The following PLPP3 variants were observed in gnomAD, a reference collection of about 807,000 sequenced individuals.
PLPP3 encodes PAP2 beta.
PLPP3 carries 6 observed loss-of-function variants against 29.6 expected under a neutral mutation model. That is an observed-to-expected ratio of 0.20 (90% CI 0.11 to 0.40). The LOEUF is 0.40. PLPP3 is among the 10% of genes least tolerant of loss of function. The probability of loss-of-function intolerance (pLI) is 1.00; values close to 1 mark genes in which losing one functional copy is unlikely to be tolerated. For synonymous variants in PLPP3, 152 were observed against 159.7 expected (o/e 0.95, Z 0.36); for missense variants, 308 against 407.7 (o/e 0.76, Z 2.11).
intron 5 of PLPP3, among the ~76,000 whole-genome samples, chr1:56,498,612 G>T (rs2100216327): frequency 6.6e-6 from 1 of 151,390 alleles, no homozygotes; most frequent in East Asian, 1.9e-4. Flanking sequence ...AAGAGGTTTT[G>T]ATCAATCCCT....
chr1:56,532,011 T>A (rs1645891888), intron 2 of PLPP3, among the ~76,000 whole-genome samples: 1 of 152,194 alleles, frequency 6.6e-6, no homozygotes, highest in African/African-American at 2.4e-5. Context: ...CACCTCCGTA[T>A]TGATACGTTT....
intron 5 of PLPP3, among the ~76,000 whole-genome samples, chr1:56,509,832 C>A (rs1156660331): frequency 4.1e-3 from 354 of 86,004 alleles, no homozygotes; most frequent in East Asian, 8.6e-3. Flanking sequence ...GCGAGACTCT[C>A]AAAAAAAAAA....
At chr1:56,557,675 T>C (rs191208761) in intron 1 of PLPP3, among the ~76,000 whole-genome samples, 82 of 152,272 alleles carry the variant, frequency 5.4e-4, no homozygotes, top group African/African-American at 1.9e-3. Flanking sequence ...CATGGATCAT[T>C]TCCCTTTTCT....
intron 1 of PLPP3, among the ~76,000 whole-genome samples, chr1:56,557,066 GAAAGAAAGAAA>G (rs1646088083): frequency 3.2e-5 from 4 of 125,840 alleles, no homozygotes; most frequent in Non-Finnish European, 6.9e-5. Flanking sequence ...GAGAAAGAAA[GAAAGAAAGAAA>G]AAATGAGAGA....
intron 2 of PLPP3, among the ~76,000 whole-genome samples, chr1:56,534,785 T>C (rs1645913713): frequency 6.6e-6 from 1 of 152,142 alleles, no homozygotes; most frequent in East Asian, 1.9e-4. Flanking sequence ...CCTTGATAGT[T>C]ATGACAGGTA....
intron 5 of PLPP3, among the ~76,000 whole-genome samples, chr1:56,506,392 C>A (rs1645702126): frequency 6.6e-6 from 1 of 152,180 alleles, no homozygotes; most frequent in Admixed American, 6.5e-5. Flanking sequence ...GGTCACCTCA[C>A]TGGGGCAGAG....
chr1:56,575,556 C>T (rs747124742), intron 1 of PLPP3, among the ~76,000 whole-genome samples: 2 of 152,246 alleles, frequency 1.3e-5, no homozygotes, highest in South Asian at 4.1e-4. Context: ...ACTGGGAAAT[C>T]GGGAGAGGCA....
chr1:56,506,486 G>A (rs1346051879), intron 5 of PLPP3, among the ~76,000 whole-genome samples: 2 of 152,146 alleles, frequency 1.3e-5, no homozygotes, highest in South Asian at 2.1e-4. Context: ...CCACACCCCC[G>A]GGAAGAGGAA....
At chr1:56,560,211 A>C (rs1646112377) in intron 1 of PLPP3, among the ~76,000 whole-genome samples, 1 of 152,138 alleles carries the variant, frequency 6.6e-6, no homozygotes, top group Admixed American at 6.5e-5. Flanking sequence ...CCCAGCACAG[A>C]ACCTGGTGCA....
intron 1 of PLPP3, among the ~76,000 whole-genome samples, chr1:56,554,311 G>A (rs139742060): frequency 2.0e-5 from 3 of 152,122 alleles, no homozygotes; most frequent in East Asian, 3.9e-4. Context: ...GGTGGCTGAC[G>A]CCTGTAATCC....
rs977987992 is a variant in PLPP3 at position 56,568,011 on chromosome 1, G to A, written c.139+10867C>T. ...GCAATATGAATGAACCTTAAAAACCGTACGCCAAGTGGAAGAAGCCAGTCA... is the reference window on the plus strand; with the variant it reads ...GCAATATGAATGAACCTTAAAAACCATACGCCAAGTGGAAGAAGCCAGTCA... On this transcript the variant is annotated intron_variant, in intron 1 of 5. Transcript: ENST00000371250. 2.0e-5 allele frequency among the ~76,000 whole-genome samples: 3 copies of A among 152,230 alleles called. 1 individual carries two copies. Among genetic ancestry groups the A allele is most frequent in the East Asian group, 3.9e-4 (2 of 5,182 alleles).
At chr1:56,522,673 G>A (rs957139015) in intron 4 of PLPP3, among the ~76,000 whole-genome samples, 5 of 149,066 alleles carry the variant, frequency 3.4e-5, no homozygotes, top group Non-Finnish European at 7.4e-5. Flanking sequence ...AAAGGATTGG[G>A]GGGAAAAATA....
At chr1:56,573,208 G>C (rs565360630) in intron 1 of PLPP3, among the ~76,000 whole-genome samples, 44 of 152,078 alleles carry the variant, frequency 2.9e-4, no homozygotes, top group Admixed American at 2.0e-4. Context: ...CATAGAGTTC[G>C]GTTTACAACC....
chr1:56,555,850 C>A (rs1034150859), intron 1 of PLPP3, among the ~76,000 whole-genome samples: 3 of 152,110 alleles, frequency 2.0e-5, no homozygotes, highest in Admixed American at 1.3e-4. Flanking sequence ...GTGTGCTTAA[C>A]CTGCTTTTTA....
intron 5 of PLPP3, among the ~76,000 whole-genome samples, chr1:56,503,710 G>A (rs943355842): frequency 6.6e-6 from 1 of 152,176 alleles, no homozygotes; most frequent in African/African-American, 2.4e-5. Context: ...CCACCTACCT[G>A]TGGTTCCTGT....
At chr1:56,502,458 G>C (rs1569861992) in intron 5 of PLPP3, among the ~76,000 whole-genome samples, 3 of 152,264 alleles carry the variant, frequency 2.0e-5, no homozygotes, top group Admixed American at 2.0e-4. Flanking sequence ...GCAGATTCCT[G>C]GGCCCATCTA....
At chr1:56,557,026 A>AAAGAAAG (rs1553139342) in intron 1 of PLPP3, among the ~76,000 whole-genome samples, 311 of 9,510 alleles carry the variant, frequency 0.033, 101 homozygotes, top group Non-Finnish European at 0.057. Flanking sequence ...GAGAGAGAGA[A>AAAGAAAG]AGAGAGAGAG....
At chr1:56,521,244 AAAAAAAAAAAAAG>A (rs1441142056) in intron 4 of PLPP3, among the ~76,000 whole-genome samples, 1 of 149,172 alleles carries the variant, frequency 6.7e-6, no homozygotes, top group South Asian at 2.1e-4. Context: ...CAAAAAAAAA[AAAAAAAAAAAAAG>A]AAGAAGAAGA....
chr1:56,550,080 G>A (rs1646028251), intron 1 of PLPP3, among the ~76,000 whole-genome samples: 2 of 152,164 alleles, frequency 1.3e-5, no homozygotes, highest in African/African-American at 2.4e-5. Flanking sequence ...GAACTGTGAA[G>A]CCACCAGATA....
Sources: gnomAD v4.1 joint callset for allele counts (sites outside exome capture counted in the v4.1 genomes callset) on GRCh38, gnomAD v4.1.1 for gene constraint, MANE v1.5 for transcripts, NCBI Gene and HGNC (gene_info 2026-07-23, HGNC 2026-07-21) for gene names.